Variants in CRLF2 observed in about 807,000 individuals in gnomAD.
CRLF2 encodes cytokine receptor-like factor 2.
CRLF2 carries 41 observed loss-of-function variants against 38.7 expected under a neutral mutation model. The observed-to-expected ratio is 1.06, with a 90% CI of 0.83 to 1.37. The LOEUF (loss-of-function observed/expected upper bound fraction) is 1.37, where lower values mean the gene tolerates loss of function less well. CRLF2 is among the 40% of genes most tolerant of loss of function. The pLI, the probability that CRLF2 is intolerant of heterozygous loss-of-function variation, is 0.00. For missense variants in CRLF2, 377 were observed against 322.2 expected, an observed-to-expected ratio of 1.17 and a Z score of -1.30; for synonymous variants, 140 against 128.8, an observed-to-expected ratio of 1.09 and a Z score of -0.59.
At chrX:1,192,287 C>T (rs1272994983) in intron 7 of CRLF2, among the ~76,000 whole-genome samples, 4 of 151,832 alleles carry the variant, frequency 2.6e-5, no homozygotes, top group Admixed American at 6.6e-5. Flanking sequence ...TACCCTCTTC[C>T]CTTTGAAATT....
intron 2 of CRLF2, among the ~76,000 whole-genome samples, chrX:1,208,072 C>CT (rs1453555119): frequency 7.2e-5 from 11 of 152,138 alleles, no homozygotes; most frequent in Admixed American, 7.2e-4. Context: ...TTCTGGGTGT[C>CT]TAACTAAGCC....
intron 2 of CRLF2, among the ~76,000 whole-genome samples, chrX:1,207,718 C>T (rs1458745631): frequency 2.6e-5 from 4 of 151,756 alleles, no homozygotes; most frequent in South Asian, 2.1e-4. Context: ...AGTGCAATCT[C>T]GGCTCACCGT....
intron 5 of CRLF2, 66 bp downstream of exon 5, chrX:1,198,496 G>A: frequency 6.4e-7 from 1 of 1,560,184 alleles, no homozygotes. Context: ...TCCCGGGAAG[G>A]CAGTGGCTAT....
At chrX:1,201,134 G>T (rs2086597317) in intron 4 of CRLF2, among the ~76,000 whole-genome samples, 1 of 152,084 alleles carries the variant, frequency 6.6e-6, no homozygotes, top group South Asian at 2.1e-4. Flanking sequence ...CATAGAGAAG[G>T]TACAGGAAAA....
chrX:1,192,877 A>G (rs2086418467), intron 7 of CRLF2, among the ~76,000 whole-genome samples: 1 of 148,114 alleles, frequency 6.8e-6, no homozygotes, highest in Admixed American at 6.8e-5. Context: ...GCAGTGGTAC[A>G]ATCTCAGCTC....
chrX:1,200,613 C>T lies in CRLF2; in HGVS notation c.483+1789G>A, dbSNP rs1259860243. Among the ~76,000 whole-genome samples, 9 of 116,630 alleles carry T rather than the reference C, an allele frequency of 7.7e-5. 1 individual carries two copies. Among genetic ancestry groups the T allele is most frequent in the African/African-American group, 2.6e-4 (8 of 31,112 alleles). The allele number at this position is 116,630 out of a possible 152,430, so 76.5% of individuals were successfully genotyped here. ...TGTGTGTATATAAGATGTGTATATACGTGTGTATAAATATGCATATATAAG... is the reference window on the plus strand; with the variant it reads ...TGTGTGTATATAAGATGTGTATATATGTGTGTATAAATATGCATATATAAG... On this transcript the variant is annotated intron_variant, in intron 4 of 7. Coordinates refer to ENST00000400841, the MANE Select transcript of CRLF2 (RefSeq NM_022148.4).
At chrX:1,199,347 C>T (rs1227246703) in intron 4 of CRLF2, among the ~76,000 whole-genome samples, 2 of 151,636 alleles carry the variant, frequency 1.3e-5, no homozygotes, top group African/African-American at 2.4e-5. Context: ...CTCTGTTGCC[C>T]AGGCTGGAGT....
chrX:1,192,005 A>G (rs1472071559), intron 7 of CRLF2, among the ~76,000 whole-genome samples: 4 of 143,884 alleles, frequency 2.8e-5, no homozygotes, highest in Non-Finnish European at 6.1e-5. Context: ...GGAGATCGAG[A>G]CCATCCCGAC....
At chrX:1,193,956 G>C (rs1398676609) in intron 6 of CRLF2, among the ~76,000 whole-genome samples, 1 of 149,574 alleles carries the variant, frequency 6.7e-6, no homozygotes, top group Non-Finnish European at 1.5e-5. Flanking sequence ...GCGAGACTCC[G>C]TCTCAAAAAA....
intron 1 of CRLF2, among the ~76,000 whole-genome samples, chrX:1,209,370 C>T (rs1304475037): frequency 6.9e-6 from 1 of 144,652 alleles, no homozygotes; most frequent in East Asian, 2.1e-4. Flanking sequence ...CTCACTCTGT[C>T]ACCCAGGCTG....
Position 1,207,447 on chromosome X carries a change from G to A in CRLF2, c.183-848C>T, listed in dbSNP as rs1311327064. 6.7e-5 allele frequency among the ~76,000 whole-genome samples: 10 copies of A among 148,518 alleles called. No homozygotes were observed. The East Asian group carries it at 2.0e-3, about 30-fold the overall frequency. On this transcript the variant is annotated intron_variant, in intron 2 of 7. Transcript: ENST00000400841. ...ATTTTTTTGTATTTTTAGTAGAGACGAGGTTTCACCATGTTGGCCAGGCTG... is the reference window on the plus strand; with the variant it reads ...ATTTTTTTGTATTTTTAGTAGAGACAAGGTTTCACCATGTTGGCCAGGCTG...
At position 1,206,551 on chromosome X, in the gene CRLF2, C is replaced by T. The variant is rs1165004170; in HGVS notation, c.231G>A (p.Gln77=). 1 of 1,612,848 alleles carries T rather than the reference C, an allele frequency of 6.2e-7. No individual in the cohort carries two copies. Among genetic ancestry groups the T allele is most frequent in the African/African-American group, 1.3e-5 (1 of 74,884 alleles). Residue 77 remains glutamine, a synonymous_variant, in exon 3 of 8, where the codon CAG becomes CAA. Transcript: ENST00000400841. ...AYDQCTNYLL[Q]EGHTSGCLLD... ...GGAGGCACCCCGAAGTGTGACCTTC[C>T]TGGAGAAGGTAGTTGGTGCACTGGT...
intron 7 of CRLF2, among the ~76,000 whole-genome samples, chrX:1,192,773 C>A: frequency 8.1e-6 from 1 of 123,370 alleles, no homozygotes; most frequent in Non-Finnish European, 1.7e-5. Flanking sequence ...TCTTTCCTTC[C>A]TTCCTCTCTC....
Position 1,212,643 on chromosome X carries a change from C to A in CRLF2, c.-9G>T. On this transcript the variant is annotated 5_prime_UTR_variant, in exon 1 of 8. Coordinates refer to ENST00000400841, the MANE Select transcript of CRLF2 (RefSeq NM_022148.4). The stretch of plus-strand genomic sequence containing the variant: ...AGAACCAGCCGCCCCATGCCTGAAA[C>A]AGGAGTGGAGAGTGAGGTCCTCAGG... 1 of 1,602,866 alleles carries A rather than the reference C, an allele frequency of 6.2e-7. No individual in the cohort carries two copies. Among genetic ancestry groups the A allele is most frequent in the Non-Finnish European group, 8.5e-7 (1 of 1,170,162 alleles).
At chrX:1,205,383 C>T (rs1234977694) in intron 3 of CRLF2, among the ~76,000 whole-genome samples, 1 of 152,076 alleles carries the variant, frequency 6.6e-6, no homozygotes, top group Non-Finnish European at 1.5e-5. Flanking sequence ...GCTTTTCAAT[C>T]GTTACGGTAA....
At chrX:1,202,880 G>A (rs1316357890) in intron 3 of CRLF2, among the ~76,000 whole-genome samples, 4 of 151,940 alleles carry the variant, frequency 2.6e-5, no homozygotes, top group Middle Eastern at 3.4e-3. Context: ...AGGCCGAGGC[G>A]GGTGGATCAC....
chrX:1,210,483 T>G lies in CRLF2; in HGVS notation c.80-1575A>C, dbSNP rs1408735427. On this transcript the variant is annotated intron_variant, in intron 1 of 7. Coordinates refer to ENST00000400841, the MANE Select transcript of CRLF2 (RefSeq NM_022148.4). The stretch of plus-strand genomic sequence containing the variant: ...CACCTGCCACCATGCCCGGCTGATT[T>G]TTTGTATTAGTACAGACGGGGTTTC... 1.3e-5 allele frequency among the ~76,000 whole-genome samples: 2 copies of G among 152,064 alleles called. 1 individual carries two copies. Among genetic ancestry groups the G allele is most frequent in the Non-Finnish European group, 2.9e-5 (2 of 68,014 alleles).
chrX:1,198,740 C>CATACACAT lies in CRLF2; in HGVS notation c.484-17_484-16insATGTGTAT, dbSNP rs1366148426. ...CCTGTTTGGACTGGAGAAACATACA[C>CATACACAT]ACACACACACACACACACACACACA... On this transcript the variant is annotated splice_polypyrimidine_tract_variant and intron_variant, in intron 4 of 7. Transcript: ENST00000400841. 1.3e-6 allele frequency: 1 copy of CATACACAT among 768,900 alleles called. No homozygotes were observed. The highest frequency in any genetic ancestry group is 2.0e-6 in the Non-Finnish European group (1 of 493,220). The allele number at this position is 768,900 out of a possible 1,614,324, so 47.6% of individuals were successfully genotyped here.
intron 7 of CRLF2, among the ~76,000 whole-genome samples, chrX:1,192,961 G>C (rs1190012159): frequency 3.3e-5 from 5 of 151,508 alleles, no homozygotes; most frequent in African/African-American, 7.3e-5. Context: ...TTACAGGAGT[G>C]AGCCAGCACG....
Sources: gnomAD v4.1 joint callset for allele counts (sites outside exome capture counted in the v4.1 genomes callset) on GRCh38, gnomAD v4.1.1 for gene constraint, MANE v1.5 for transcripts, NCBI Gene and HGNC (gene_info 2026-07-23, HGNC 2026-07-21) for gene names.